Variants in ZC3HAV1 observed in about 807,000 individuals in gnomAD.
The protein encoded by ZC3HAV1 is zinc finger CCCH-type containing, antiviral 1.
Under a neutral mutation model 86.6 loss-of-function variants are expected in ZC3HAV1, and 41 were observed. The ratio of observed to expected loss-of-function variants is 0.47; its 90% confidence interval spans 0.37 to 0.61. ZC3HAV1 has a LOEUF of 0.61. Among genes scored for constraint, ZC3HAV1 ranks in the 20% least tolerant of loss-of-function variants. ZC3HAV1 has a pLI of 0.00. For synonymous variants in ZC3HAV1, 421 were observed against 432.1 expected (o/e 0.97, Z 0.32); for missense variants, 964 against 1,141.1 (o/e 0.84, Z 2.24).
At chr7:139,083,581 G>A (rs1298703191) in intron 3 of ZC3HAV1, among the ~76,000 whole-genome samples, 199 bp downstream of exon 3, 1 of 152,064 alleles carries the variant, frequency 6.6e-6, no homozygotes, top group Non-Finnish European at 1.5e-5. Context: ...ACAAAAATTA[G>A]CTGGGTGTGG....
chr7:139,095,250 G>T (rs1563139822), intron 1 of ZC3HAV1, among the ~76,000 whole-genome samples: 1 of 152,046 alleles, frequency 6.6e-6, no homozygotes, highest in Non-Finnish European at 1.5e-5. Context: ...AAGCCACGAG[G>T]CTCCTACTCC....
Position 139,065,339 on chromosome 7 carries a change from T to C in ZC3HAV1, c.1873-340A>G, listed in dbSNP as rs190830922. ...CCTCTTTTCTGATGCCACGCCGGCA[T>C]CTGTCATCTAACAGAATCTGACACT... On this transcript the variant is annotated intron_variant, in intron 7 of 12. Coordinates refer to ENST00000242351, the MANE Select transcript of ZC3HAV1 (RefSeq NM_020119.4). 2.0e-3 allele frequency among the ~76,000 whole-genome samples: 306 copies of C among 152,328 alleles called. 1 individual carries two copies. The highest frequency in any genetic ancestry group is 7.1e-3 in the African/African-American group (297 of 41,582).
chr7:139,089,885 T>G, intron 1 of ZC3HAV1, 126 bp from the exon 2 acceptor site: 2 of 1,041,514 alleles, frequency 1.9e-6, no homozygotes, highest in Non-Finnish European at 2.6e-6. Flanking sequence ...CACAGGTTGG[T>G]TCTGCTTAAA....
chr7:139,104,238 C>T (rs1817859954), intron 1 of ZC3HAV1, among the ~76,000 whole-genome samples: 1 of 135,076 alleles, frequency 7.4e-6, no homozygotes, highest in Non-Finnish European at 1.6e-5. Flanking sequence ...TGTGAATTAA[C>T]CGAAAAGGAA....
intron 1 of ZC3HAV1, among the ~76,000 whole-genome samples, chr7:139,105,784 A>G (rs1817916952): frequency 6.6e-6 from 1 of 152,214 alleles, no homozygotes; most frequent in Non-Finnish European, 1.5e-5. Flanking sequence ...TTAACTGGTA[A>G]TCTACAAAGA....
At chr7:139,107,075 T>C (rs2130744855) in intron 1 of ZC3HAV1, among the ~76,000 whole-genome samples, 1 of 152,328 alleles carries the variant, frequency 6.6e-6, no homozygotes, top group Admixed American at 6.5e-5. Context: ...GAATTTGTCA[T>C]AATAGAAAAG....
At chr7:139,074,426 A>G (rs1816874531) in intron 6 of ZC3HAV1, among the ~76,000 whole-genome samples, 1 of 152,142 alleles carries the variant, frequency 6.6e-6, no homozygotes, top group Non-Finnish European at 1.5e-5. Flanking sequence ...GGTTAAAGTG[A>G]TTTTCATAAT....
Position 139,057,532 on chromosome 7 carries a change from A to ATTTT in ZC3HAV1, c.2097-2241_2097-2238dup, listed in dbSNP as rs765288792. On this transcript the variant is annotated intron_variant, in intron 9 of 12. Coordinates refer to ENST00000242351, the MANE Select transcript of ZC3HAV1 (RefSeq NM_020119.4). ...AATTTTCCATGATCAAAACAATTAC[A>ATTTT]TTTTTTTTTTTTTTTTTTTTTTTTG... is the stretch of plus-strand genomic sequence containing the variant. 6.7e-4 allele frequency among the ~76,000 whole-genome samples: 38 copies of ATTTT among 56,908 alleles called. 4 individuals carry two copies. The highest frequency in any genetic ancestry group is 1.0e-3 in the Non-Finnish European group (33 of 31,514). The allele number at this position is 56,908 out of a possible 152,430, so 37.3% of individuals were successfully genotyped here.
chr7:139,098,383 C>G (rs906637257), intron 1 of ZC3HAV1, among the ~76,000 whole-genome samples: 1 of 152,162 alleles, frequency 6.6e-6, no homozygotes, highest in South Asian at 2.1e-4. Context: ...AATGTACACA[C>G]ATTAGGAGTA....
intron 1 of ZC3HAV1, among the ~76,000 whole-genome samples, chr7:139,102,284 C>A (rs994645187): frequency 1.3e-5 from 2 of 152,102 alleles, no homozygotes; most frequent in African/African-American, 4.8e-5. Context: ...CAGGTGTGTG[C>A]CACTGTGTCC....
intron 1 of ZC3HAV1, among the ~76,000 whole-genome samples, chr7:139,101,629 G>A (rs1817775495): frequency 6.7e-6 from 1 of 149,232 alleles, no homozygotes; most frequent in African/African-American, 2.5e-5. Context: ...TGTGTAGAAA[G>A]TAGACATGGG....
chr7:139,043,810 G>A lies in ZC3HAV1; in HGVS notation c.*3784C>T, dbSNP rs999485412. On this transcript the variant is annotated 3_prime_UTR_variant, in exon 13 of 13. Coordinates refer to ENST00000242351, the MANE Select transcript of ZC3HAV1 (RefSeq NM_020119.4). ...GGCGCAAAGTATTTTAAAAATAAGG[G>A]GTTTGGGAGGCCAAGATCTGACCTA... 49 of 152,224 alleles carry A rather than the reference G, an allele frequency of 3.2e-4. No individual in the cohort carries two copies. Among genetic ancestry groups the A allele is most frequent in the African/African-American group, 1.2e-3 (48 of 41,520 alleles). The allele number at this position is 152,224 out of a possible 1,614,324, so 9.4% of individuals were successfully genotyped here.
chr7:139,096,312 C>A (rs1817587731), intron 1 of ZC3HAV1, among the ~76,000 whole-genome samples: 1 of 152,184 alleles, frequency 6.6e-6, no homozygotes, highest in South Asian at 2.1e-4. Flanking sequence ...CCGTACCCGA[C>A]CACCAAAATC....
chr7:139,097,428 A>ATATATATATATATTTTT, intron 1 of ZC3HAV1, among the ~76,000 whole-genome samples: 4 of 48,160 alleles, frequency 8.3e-5, no homozygotes, highest in Admixed American at 6.0e-4. Flanking sequence ...ATATATATAT[A>ATATATATATATATTTTT]TTTTTTTTTT....
chr7:139,059,832 T>G (rs1816393770), intron 9 of ZC3HAV1, among the ~76,000 whole-genome samples: 1 of 152,146 alleles, frequency 6.6e-6, no homozygotes. Flanking sequence ...GGAATAAAAA[T>G]AATAATAACC....
chr7:139,105,923 A>T (rs886942885), intron 1 of ZC3HAV1, among the ~76,000 whole-genome samples: 1 of 152,200 alleles, frequency 6.6e-6, no homozygotes. Flanking sequence ...ACAAAAAAAA[A>T]ATTCTCCCAG....
rs182391420 is a variant in ZC3HAV1, at chr7:139,053,243, G to A, written c.2449+208C>T. 2.3e-4 allele frequency among the ~76,000 whole-genome samples: 35 copies of A among 152,156 alleles called. No individual in the cohort carries two copies. The South Asian group carries it at 2.7e-3, about 12-fold the overall frequency. ...CTCCCAGAAAGAAAACAGAAGACAG[G>A]GACTAAGGTCCAGCAATCAAGCTCC... On this transcript the variant is annotated intron_variant, in intron 12 of 12. Transcript: ENST00000242351.
chr7:139,081,488 C>T (rs943252182), intron 3 of ZC3HAV1, among the ~76,000 whole-genome samples: 1 of 152,198 alleles, frequency 6.6e-6, no homozygotes, highest in Non-Finnish European at 1.5e-5. Context: ...CAAAACCCAT[C>T]CCTCCAGACA....
At chr7:139,092,173 G>A (rs919482402) in intron 1 of ZC3HAV1, among the ~76,000 whole-genome samples, 4 of 152,254 alleles carry the variant, frequency 2.6e-5, no homozygotes, top group Non-Finnish European at 5.9e-5. Flanking sequence ...GTTATCAATC[G>A]GACGAATTCC....
Sources: allele counts gnomAD v4.1 joint callset (sites outside exome capture counted in the v4.1 genomes callset), GRCh38; gene constraint gnomAD v4.1.1; transcripts MANE v1.5; gene names NCBI Gene and HGNC (gene_info 2026-07-23, HGNC 2026-07-21).